Variants in GMPR observed in about 807,000 individuals in gnomAD.
GMPR encodes GMP reductase 1.
Under a neutral mutation model 38.4 loss-of-function variants are expected in GMPR, and 31 were observed. The observed-to-expected ratio is 0.81, with a 90% CI of 0.61 to 1.09. The LOEUF (loss-of-function observed/expected upper bound fraction) is 1.09. Among genes scored for constraint, GMPR ranks in the 50% least tolerant of loss-of-function variants. GMPR has a pLI of 0.00. For synonymous variants in GMPR, 162 were observed against 173.3 expected, an observed-to-expected ratio of 0.93 and a Z score of 0.51; for missense variants, 468 against 453.7, an observed-to-expected ratio of 1.03 and a Z score of -0.29.
In GMPR at chr6:16,267,469, C is replaced by T. The variant is rs541333241; in HGVS notation, c.466-6946C>T. On this transcript the variant is annotated intron_variant, in intron 4 of 8. Transcript: ENST00000259727. ...TCCGGGAGGAATGAACAACTCCGGA[C>T]GGTGCCACTTTTAAGAGCTGTAACA... 4.6e-5 allele frequency among the ~76,000 whole-genome samples: 7 copies of T among 151,518 alleles called. 1 individual carries two copies. The South Asian group carries it at 1.5e-3, about 32-fold the overall frequency.
intron 7 of GMPR, 27 bp from the exon 8 acceptor site, chr6:16,290,435 G>A (rs747530980): frequency 1.6e-5 from 26 of 1,608,436 alleles, no homozygotes; most frequent in East Asian, 2.2e-5. Context: ...TCTGCTACTC[G>A]CTTTCATCCC....
intron 4 of GMPR, among the ~76,000 whole-genome samples, chr6:16,266,917 T>C (rs1759256948): frequency 6.6e-6 from 1 of 151,942 alleles, no homozygotes; most frequent in Non-Finnish European, 1.5e-5. Flanking sequence ...CTTTAAGAGC[T>C]GTAACACTCA....
chr6:16,267,030 C>T (rs1305919954), intron 4 of GMPR, among the ~76,000 whole-genome samples: 3 of 151,232 alleles, frequency 2.0e-5, no homozygotes, highest in Non-Finnish European at 2.9e-5. Flanking sequence ...CTGTAACACT[C>T]CCTGCGAAAA....
chr6:16,278,922 G>A, intron 6 of GMPR, 32 bp downstream of exon 6: 3 of 1,344,086 alleles, frequency 2.2e-6, no homozygotes, highest in Non-Finnish European at 2.1e-6. Context: ...AGGCTGGGGT[G>A]TCTTGGGAGG....
rs574100249 is a variant in GMPR at position 16,291,253 on chromosome 6, G to A, written c.857+632G>A. Among the ~76,000 whole-genome samples, 6 of 151,902 alleles carry A rather than the reference G, an allele frequency of 3.9e-5. 1 individual carries two copies. The highest frequency in any genetic ancestry group is 9.7e-5 in the African/African-American group (4 of 41,424). ...ATTTTTATTTTTTTGTGGTGGAGTC[G>A]TGCTCTGTCGCCCAGGCTGGAGTGC... is the stretch of plus-strand genomic sequence containing the variant. On this transcript the variant is annotated intron_variant, in intron 8 of 8. Coordinates refer to ENST00000259727, the MANE Select transcript of GMPR (RefSeq NM_006877.4).
At chr6:16,276,065 G>A (rs1369587807) in intron 5 of GMPR, among the ~76,000 whole-genome samples, 5 of 151,624 alleles carry the variant, frequency 3.3e-5, no homozygotes, top group African/African-American at 1.2e-4. Context: ...GCAAGACCCT[G>A]TCTCAAGAAA....
intron 1 of GMPR, among the ~76,000 whole-genome samples, chr6:16,239,681 C>T (rs903595819): frequency 2.0e-5 from 3 of 152,218 alleles, no homozygotes; most frequent in Non-Finnish European, 4.4e-5. Flanking sequence ...TGCACAGCTC[C>T]GTCCACTCAG....
At chr6:16,281,278 A>G (rs1004781504) in intron 6 of GMPR, among the ~76,000 whole-genome samples, 5 of 152,104 alleles carry the variant, frequency 3.3e-5, no homozygotes, top group African/African-American at 1.2e-4. Flanking sequence ...CAAGTGTGAG[A>G]CCCACTGGCT....
chr6:16,265,839 G>C (rs1397775764), intron 4 of GMPR, among the ~76,000 whole-genome samples: 1 of 151,728 alleles, frequency 6.6e-6, no homozygotes, highest in South Asian at 2.1e-4. Flanking sequence ...GGTTTTCTTC[G>C]TTCGCTTGCT....
chr6:16,266,381 ACGT>A (rs955522203), intron 4 of GMPR, among the ~76,000 whole-genome samples: 6 of 121,606 alleles, frequency 4.9e-5, no homozygotes, highest in East Asian at 2.7e-4. Context: ...AAAAGGTGGC[ACGT>A]CGGACGTGCC....
intron 5 of GMPR, among the ~76,000 whole-genome samples, chr6:16,278,490 G>A (rs1759518242): frequency 6.6e-6 from 1 of 152,182 alleles, no homozygotes; most frequent in East Asian, 1.9e-4. Flanking sequence ...TATTGCATGG[G>A]AGCCAGTGCC....
intron 4 of GMPR, among the ~76,000 whole-genome samples, chr6:16,268,913 A>T (rs1443812477): frequency 1.3e-5 from 2 of 150,980 alleles, no homozygotes; most frequent in African/African-American, 4.8e-5. Context: ...ATTTTAAATT[A>T]AAAATTTTAA....
At position 16,274,479 on chromosome 6, in the gene GMPR, A is replaced by G. The variant is rs1244763154; in HGVS notation, c.530A>G (p.Lys177Arg). The G allele has an allele frequency of 3.1e-6, 5 of 1,603,764 alleles. No homozygotes were observed. The highest frequency in any genetic ancestry group is 4.3e-6 in the Non-Finnish European group (5 of 1,170,504). Reference sequence around the variant, plus strand: ...ATTCTTTCCGGAGCAGATATCATCAAAGTGGGAGTTGGACCAGGTAAGACT... The same window carrying G: ...ATTCTTTCCGGAGCAGATATCATCAGAGTGGGAGTTGGACCAGGTAAGACT... ...ELILSGADIIKVGVGPGSVCT... is the reference protein window; with the variant it reads ...ELILSGADIIRVGVGPGSVCT... The change falls in exon 5 of 9, where the codon AAA (lysine) becomes AGA (arginine). Residue 177 changes from lysine (K) to arginine (R), a missense_variant. Transcript: ENST00000259727.
intron 4 of GMPR, among the ~76,000 whole-genome samples, chr6:16,260,125 T>C (rs1374766777): frequency 2.6e-5 from 4 of 152,048 alleles, no homozygotes; most frequent in Non-Finnish European, 5.9e-5. Flanking sequence ...GTCTGACTTC[T>C]GAGAAGGGAA....
At chr6:16,247,834 TA>T (rs1395391465) in intron 2 of GMPR, among the ~76,000 whole-genome samples, 1 of 152,198 alleles carries the variant, frequency 6.6e-6, no homozygotes, top group Non-Finnish European at 1.5e-5. Context: ...CTCTAGAATC[TA>T]AGGAATTTAC....
At chr6:16,245,783 C>T (rs976159117) in intron 1 of GMPR, among the ~76,000 whole-genome samples, 1 of 152,190 alleles carries the variant, frequency 6.6e-6, no homozygotes, top group Admixed American at 6.5e-5. Context: ...CTCTGGAGCC[C>T]AGGAAGGGAC....
In GMPR at chr6:16,281,590, T is replaced by C. The variant is rs548945717; in HGVS notation, c.654+2700T>C. Among the ~76,000 whole-genome samples, 243 of 152,248 alleles carry C rather than the reference T, an allele frequency of 1.6e-3. 4 individuals are homozygous for C. Among genetic ancestry groups the C allele is most frequent in the African/African-American group, 5.5e-3 (228 of 41,562 alleles). On this transcript the variant is annotated intron_variant, in intron 6 of 8. Coordinates refer to ENST00000259727, the MANE Select transcript of GMPR (RefSeq NM_006877.4). Reference sequence around the variant, plus strand: ...GCATGATCTCAGCTCCCTGCTAGAATGCCTCCCGGGTTCAAGCGATTCTCC... The same window carrying C: ...GCATGATCTCAGCTCCCTGCTAGAACGCCTCCCGGGTTCAAGCGATTCTCC...
Position 16,246,933 on chromosome 6 carries a change from C to T in GMPR, c.179C>T (p.Thr60Met), listed in dbSNP as rs1162015376. 24 of 1,613,874 alleles carry T rather than the reference C, an allele frequency of 1.5e-5. No homozygotes were observed. The highest frequency in any genetic ancestry group is 1.1e-4 in the South Asian group (10 of 91,050). The stretch of plus-strand genomic sequence containing the variant: ...GTGGCCAACATGGACACTGTGGGCA[C>T]GTTTGAGATGGCAGCCGTGATGTCA... ...IIVANMDTVG[T>M]FEMAAVMSQH... The change falls in exon 2 of 9, where the codon ACG becomes ATG. Residue 60 changes from threonine (T) to methionine (M), a missense_variant. Transcript: ENST00000259727.
At chr6:16,242,855 C>A (rs1414454510) in intron 1 of GMPR, among the ~76,000 whole-genome samples, 1 of 152,184 alleles carries the variant, frequency 6.6e-6, no homozygotes, top group African/African-American at 2.4e-5. Flanking sequence ...TCAGGCTGGT[C>A]TTGAACTCTC....
Sources: gnomAD v4.1 joint callset for allele counts (sites outside exome capture counted in the v4.1 genomes callset) on GRCh38, gnomAD v4.1.1 for gene constraint, MANE v1.5 for transcripts, NCBI Gene and HGNC (gene_info 2026-07-23, HGNC 2026-07-21) for gene names.